The following GRM7 variants were observed in gnomAD, a reference collection of about 807,000 sequenced individuals.
GRM7 encodes the protein metabotropic glutamate receptor 7.
Under a neutral mutation model 84.5 loss-of-function variants are expected in GRM7, and 35 were observed. That is an observed-to-expected ratio of 0.41 (90% confidence interval 0.32 to 0.55). GRM7 has a LOEUF of 0.55. GRM7 is among the 20% of genes least tolerant of loss of function. The pLI, the probability that GRM7 is intolerant of heterozygous loss-of-function variation, is 0.19. For synonymous variants in GRM7, 487 were observed against 455.1 expected (o/e 1.07, Z -0.89); for missense variants, 1,003 against 1,194.6 (o/e 0.84, Z 2.36).
intron 1 of GRM7, among the ~76,000 whole-genome samples, chr3:7,017,710 A>T (rs984412500): frequency 1.3e-5 from 2 of 152,102 alleles, no homozygotes; most frequent in Non-Finnish European, 2.9e-5. Context: ...CATGGTACGC[A>T]GTGAAGCCCC....
intron 7 of GRM7, among the ~76,000 whole-genome samples, chr3:7,469,233 T>G (rs1698592558): frequency 6.6e-6 from 1 of 152,202 alleles, no homozygotes; most frequent in Non-Finnish European, 1.5e-5. Flanking sequence ...AGTTAGCAAT[T>G]CTACATGATT....
intron 9 of GRM7, among the ~76,000 whole-genome samples, chr3:7,699,496 C>T (rs1033853493): frequency 6.6e-6 from 1 of 152,114 alleles, no homozygotes; most frequent in Non-Finnish European, 1.5e-5. Flanking sequence ...TTTTATGAAA[C>T]AATTTTTTAA....
At chr3:7,213,797 G>A (rs1696511047) in intron 2 of GRM7, among the ~76,000 whole-genome samples, 1 of 152,076 alleles carries the variant, frequency 6.6e-6, no homozygotes, top group Non-Finnish European at 1.5e-5. Context: ...CTTTGGACAG[G>A]GGCAATTCTA....
At chr3:7,070,925 G>T (rs931985599) in intron 1 of GRM7, among the ~76,000 whole-genome samples, 2 of 152,044 alleles carry the variant, frequency 1.3e-5, no homozygotes, top group South Asian at 2.1e-4. Context: ...TCACTAAAAA[G>T]AGTTCTTTTT....
intron 4 of GRM7, among the ~76,000 whole-genome samples, chr3:7,381,847 G>C (rs946480106): frequency 6.6e-6 from 1 of 152,114 alleles, no homozygotes; most frequent in Admixed American, 6.6e-5. Context: ...AATCATTTCT[G>C]AGTTGAAGGC....
chr3:7,376,897 G>A (rs569284571), intron 4 of GRM7, among the ~76,000 whole-genome samples: 1 of 152,220 alleles, frequency 6.6e-6, no homozygotes, highest in African/African-American at 2.4e-5. Flanking sequence ...CCATGCCTCT[G>A]CCTACCAGTG....
chr3:7,382,003 T>C (rs1694609606), intron 4 of GRM7, among the ~76,000 whole-genome samples: 1 of 152,098 alleles, frequency 6.6e-6, no homozygotes, highest in Non-Finnish European at 1.5e-5. Context: ...TTATTTAAAG[T>C]CCATGACCCA....
At chr3:6,918,412 T>C (rs1697014945) in intron 1 of GRM7, among the ~76,000 whole-genome samples, 1 of 152,170 alleles carries the variant, frequency 6.6e-6, no homozygotes, top group Non-Finnish European at 1.5e-5. Flanking sequence ...GGACGTATTC[T>C]GTTCTAATGA....
chr3:7,566,103 G>GTTTTTTT (rs58178956), intron 7 of GRM7, among the ~76,000 whole-genome samples: 3 of 130,024 alleles, frequency 2.3e-5, no homozygotes, highest in South Asian at 2.6e-4. Flanking sequence ...TGAATCAGCT[G>GTTTTTTT]TTTTTTTTTT....
At chr3:7,393,753 G>A (rs536763733) in intron 4 of GRM7, among the ~76,000 whole-genome samples, 1 of 152,128 alleles carries the variant, frequency 6.6e-6, no homozygotes, top group Non-Finnish European at 1.5e-5. Context: ...ACTCTTATGT[G>A]TCTCTTATCA....
Position 7,486,506 on chromosome 3 carries a change from G to C in GRM7, c.1515+24784G>C, listed in dbSNP as rs949183409. ...ATTAATGCAGTCACTGGGAGAGTGAGTGAGTTTTTGCTTTCCTGGACTGGA... is the reference window on the plus strand; with the variant it reads ...ATTAATGCAGTCACTGGGAGAGTGACTGAGTTTTTGCTTTCCTGGACTGGA... On this transcript the variant is annotated intron_variant, in intron 7 of 9. Transcript: ENST00000357716. This position sits in a 1 kb window ranked among gnomAD's most constrained non-coding sequence, Gnocchi z 5.5. Among the ~76,000 whole-genome samples, 2 of 152,110 alleles carry C rather than the reference G, an allele frequency of 1.3e-5. No individual in the cohort carries two copies. The highest frequency in any genetic ancestry group is 2.9e-5 in the Non-Finnish European group (2 of 68,026).
intron 5 of GRM7, among the ~76,000 whole-genome samples, chr3:7,434,757 T>C (rs1696973835): frequency 6.6e-6 from 1 of 152,144 alleles, no homozygotes; most frequent in Admixed American, 6.5e-5. Flanking sequence ...TTTTCTTCTC[T>C]GGTAGTGTCT....
chr3:7,053,609 A>G (rs1697091202), intron 1 of GRM7, among the ~76,000 whole-genome samples: 1 of 151,584 alleles, frequency 6.6e-6, no homozygotes, highest in South Asian at 2.1e-4. Flanking sequence ...AAGTTGTTTC[A>G]GCATCATTTG....
At chr3:7,328,670 A>G (rs1166633056) in intron 4 of GRM7, among the ~76,000 whole-genome samples, 1 of 152,198 alleles carries the variant, frequency 6.6e-6, no homozygotes, top group East Asian at 1.9e-4. Context: ...AATACTTGTT[A>G]GGCAAGACAA....
intron 1 of GRM7, chr3:6,892,752 G>A (rs1232784780): frequency 1.3e-5 from 2 of 152,178 alleles, no homozygotes; most frequent in Non-Finnish European, 2.9e-5. Flanking sequence ...CAACCCAACA[G>A]CCCTCTGTGC....
intron 1 of GRM7, among the ~76,000 whole-genome samples, chr3:6,973,087 T>G (rs1474063387): frequency 2.6e-5 from 4 of 152,234 alleles, no homozygotes; most frequent in Non-Finnish European, 5.9e-5. Flanking sequence ...GGGAACATAA[T>G]GTATATCAAC....
At chr3:7,640,451 A>G (rs544912392) in intron 8 of GRM7, among the ~76,000 whole-genome samples, 152 of 152,348 alleles carry the variant, frequency 1.0e-3, no homozygotes, top group African/African-American at 3.6e-3. Context: ...ATTGGCTACC[A>G]TGCTCTGAAT....
At chr3:7,702,873 A>AC (rs1701274292) in intron 9 of GRM7, among the ~76,000 whole-genome samples, 1 of 152,188 alleles carries the variant, frequency 6.6e-6, no homozygotes, top group Non-Finnish European at 1.5e-5. Flanking sequence ...TAAAAAATAC[A>AC]CTGAAATACA....
At chr3:7,246,234 A>G (rs1310193637) in intron 2 of GRM7, among the ~76,000 whole-genome samples, 2 of 152,142 alleles carry the variant, frequency 1.3e-5, no homozygotes, top group Admixed American at 6.6e-5. Context: ...GTAAAGACAG[A>G]TGAAACATCA....
Sources: gnomAD v4.1 joint callset for allele counts (sites outside exome capture counted in the v4.1 genomes callset) on GRCh38, gnomAD v4.1.1 for gene constraint, Gnocchi (gnomAD v3.1) non-coding constraint, MANE v1.5 for transcripts, NCBI Gene and HGNC (gene_info 2026-07-23, HGNC 2026-07-21) for gene names.